Variants in TRIP12 observed in about 807,000 individuals in gnomAD.
The protein encoded by TRIP12 is thyroid hormone receptor interactor 12.
In TRIP12, 25 loss-of-function variants were observed where a neutral mutation model predicts 244.2. The ratio of observed to expected loss-of-function variants is 0.10; its 90% confidence interval spans 0.07 to 0.14. The LOEUF (loss-of-function observed/expected upper bound fraction) is 0.14, where lower values mean the gene tolerates loss of function less well. TRIP12 is among the 10% of genes least tolerant of loss of function. The probability of loss-of-function intolerance (pLI) is 1.00; values close to 1 mark genes in which losing one functional copy is unlikely to be tolerated. For missense variants in TRIP12, 1,677 were observed against 2,486.4 expected (o/e 0.67, Z 6.92); for synonymous variants, 905 against 873.1 (o/e 1.04, Z -0.64).
chr2:229,838,451 G>C (rs1184767006), intron 5 of TRIP12, among the ~76,000 whole-genome samples: 1 of 152,140 alleles, frequency 6.6e-6, no homozygotes, highest in Non-Finnish European at 1.5e-5. Context: ...TTGCCATGAA[G>C]AGCACTTCAA....
At chr2:229,815,639 G>A (rs1575426905) in intron 9 of TRIP12, among the ~76,000 whole-genome samples, 1 of 151,636 alleles carries the variant, frequency 6.6e-6, no homozygotes, top group Non-Finnish European at 1.5e-5. Context: ...TATCCCTGAG[G>A]ACTTACTAGT....
Position 229,785,855 on chromosome 2 carries a change from G to A in TRIP12, c.4996C>T (p.Arg1666Cys). ...AGCAGCTCCTCTCGGTTCACAGTACGCTACAAAGAAAGTACAACTGTCAGG... is the reference window on the plus strand; with the variant it reads ...AGCAGCTCCTCTCGGTTCACAGTACACTACAAAGAAAGTACAACTGTCAGG... ...RVAPRLDRKK[R>C]TVNREELLKQ... The change falls in exon 34 of 42, where the codon CGT becomes TGT. Residue 1666 changes from arginine (R) to cysteine (C), a missense_variant and splice_region_variant. Arg to Cys is a radical substitution (Grantham distance 180). Coordinates refer to ENST00000675903, the MANE Select transcript of TRIP12 (RefSeq NM_001348323.3). The A allele has an allele frequency of 6.2e-7, 1 of 1,610,356 alleles. No homozygotes were observed. The highest frequency in any genetic ancestry group is 8.5e-7 in the Non-Finnish European group (1 of 1,178,540).
chr2:229,911,575 G>A (rs2074282591), intron 1 of TRIP12, among the ~76,000 whole-genome samples: 1 of 152,094 alleles, frequency 6.6e-6, no homozygotes, highest in Non-Finnish European at 1.5e-5. Flanking sequence ...ATAGCTAGAG[G>A]GAAGATATTG....
upstream of TRIP12, among the ~76,000 whole-genome samples, chr2:229,922,790 C>A (rs762786478): frequency 1.3e-5 from 2 of 152,220 alleles, no homozygotes; most frequent in African/African-American, 4.8e-5. Flanking sequence ...CCCGCGTGTC[C>A]CTGCTCTCCC....
intron 2 of TRIP12, among the ~76,000 whole-genome samples, chr2:229,875,438 G>C (rs190203375): frequency 6.6e-6 from 1 of 152,254 alleles, no homozygotes. Flanking sequence ...TCCTAGGAGA[G>C]AAAAGTGCTA....
intron 18 of TRIP12, among the ~76,000 whole-genome samples, chr2:229,805,222 AAACAACAAC>A (rs1297499840): frequency 1.3e-5 from 2 of 149,366 alleles, no homozygotes; most frequent in Admixed American, 6.7e-5. Flanking sequence ...GCCCTTTTCA[AAACAACAAC>A]AACAACAACA....
intron 11 of TRIP12, 60 bp from the exon 12 acceptor site, chr2:229,814,385 T>C (rs981057170): frequency 1.3e-6 from 2 of 1,505,298 alleles, no homozygotes; most frequent in South Asian, 1.1e-5. Context: ...CAATAACTTA[T>C]CTTCTACATA....
At chr2:229,880,496 T>C (rs1184886850) in intron 1 of TRIP12, among the ~76,000 whole-genome samples, 2 of 152,346 alleles carry the variant, frequency 1.3e-5, no homozygotes, top group East Asian at 1.9e-4. Flanking sequence ...CAAAAGATGA[T>C]GGCTCAAGTC....
chr2:229,814,465 C>G (rs1027432507), intron 11 of TRIP12, 140 bp from the exon 12 acceptor site: 2 of 710,888 alleles, frequency 2.8e-6, no homozygotes, highest in Non-Finnish European at 4.5e-6. Flanking sequence ...AGTCACTTAG[C>G]AGCTTAAGCT....
In TRIP12 at chr2:229,764,763, G is replaced by A. The variant is rs548752118; in HGVS notation, c.*2791C>T. ...CCCTAGGGAAGTCACTCCACAATAC[G>A]GAGTGGTCACATTCATTTGAAGGCA... On this transcript the variant is annotated 3_prime_UTR_variant, in exon 42 of 42. Transcript: ENST00000675903. 5 of 152,138 alleles carry A rather than the reference G, an allele frequency of 3.3e-5. No homozygotes were observed. The highest frequency in any genetic ancestry group is 9.7e-5 in the African/African-American group (4 of 41,416). The allele number at this position is 152,138 out of a possible 1,614,324, so 9.4% of individuals were successfully genotyped here.
At chr2:229,857,949 T>C (rs2059885328) in intron 4 of TRIP12, among the ~76,000 whole-genome samples, 1 of 152,222 alleles carries the variant, frequency 6.6e-6, no homozygotes, top group Non-Finnish European at 1.5e-5. Flanking sequence ...TATTCATCTT[T>C]AGACAAAACT....
In TRIP12 at chr2:229,793,138, G is replaced by A. The variant is rs2041954134; in HGVS notation, c.3976C>T (p.Leu1326Phe). ...TTTAAAGCCTGTGATCCTCTGTTGA[G>A]AGAAAAGCTCAAGATAATTTGTGAA... ...SGNGTGGSFSLNRGSQALKFF... is the reference protein window; with the variant it reads ...SGNGTGGSFSFNRGSQALKFF... The change falls in exon 27 of 42, where the codon CTC becomes TTC. Residue 1326 changes from leucine (L) to phenylalanine (F), a missense_variant. By Grantham distance (22) the Leu-to-Phe change is conservative. Around this residue, in one of 11 missense-constraint regions of TRIP12, gnomAD observed 265 missense variants for 370.8 expected, o/e 0.71. Coordinates refer to ENST00000675903, the MANE Select transcript of TRIP12 (RefSeq NM_001348323.3). 6.2e-7 allele frequency: 1 copy of A among 1,609,940 alleles called. No individual in the cohort carries two copies. Among genetic ancestry groups the A allele is most frequent in the Admixed American group, 1.7e-5 (1 of 58,950 alleles).
intron 4 of TRIP12, among the ~76,000 whole-genome samples, chr2:229,846,870 G>A (rs928146654): frequency 1.3e-5 from 2 of 152,134 alleles, no homozygotes; most frequent in Admixed American, 1.3e-4. Flanking sequence ...ACAAATATTG[G>A]AAATGTCCAA....
chr2:229,839,498 A>C (rs554140350), intron 5 of TRIP12, among the ~76,000 whole-genome samples: 1 of 152,128 alleles, frequency 6.6e-6, no homozygotes, highest in East Asian at 1.9e-4. Context: ...TAACATGGTG[A>C]AAACCCATCT....
rs2045224357 is a variant in TRIP12 at position 229,804,182 on chromosome 2, A to G, written c.2696T>C (p.Met899Thr). ...SKKDDARAQL[M>T]KEDPELAKSF... is the part of the protein sequence containing the mutation. ...CTTAGCCAGTTCCGGATCCTCTTTC[A>G]TAAGCTGTGCTCGAGCATCATCCTT... Residue 899 changes from methionine to threonine, a missense_variant, in exon 19 of 42, where the codon ATG becomes ACG. This residue lies in a region of TRIP12 where 572 missense variants were observed against 867.8 expected (regional missense o/e 0.66). Coordinates refer to ENST00000675903, the MANE Select transcript of TRIP12 (RefSeq NM_001348323.3). The G allele has an allele frequency of 1.2e-6, 2 of 1,614,112 alleles. No individual in the cohort carries two copies. The highest frequency in any genetic ancestry group is 1.7e-5 in the Admixed American group (1 of 60,018).
At position 229,810,980 on chromosome 2, in the gene TRIP12, A is replaced by G. The variant is rs75822370; in HGVS notation, c.2121T>C (p.Thr707=). The G allele has an allele frequency of 1.1e-3, 1,817 of 1,614,136 alleles. 39 individuals carry two copies. The East Asian group carries it at 0.036, about 32-fold the overall frequency. The part of the protein sequence containing the change: ...LTNVQQLLVV[T]PPILSSGMFI... ...ACATCCCAGAACTTAAAATGGGTGG[A>G]GTCACTACCAACAGCTGTTGAACAT... Residue 707 remains threonine (T), a synonymous_variant, in exon 15 of 42, where the codon ACT becomes ACC. Coordinates refer to ENST00000675903, the MANE Select transcript of TRIP12 (RefSeq NM_001348323.3).
chr2:229,858,328 A>T (rs971517989), intron 4 of TRIP12, among the ~76,000 whole-genome samples: 2 of 152,154 alleles, frequency 1.3e-5, no homozygotes, highest in Non-Finnish European at 2.9e-5. Flanking sequence ...GCGCCACTGC[A>T]CTCCAGCCTA....
At chr2:229,922,240 T>G (rs900583323), upstream of TRIP12, 4 of 447,782 alleles carry the variant, frequency 8.9e-6, no homozygotes, top group East Asian at 4.2e-5. Flanking sequence ...AAGGGGACTG[T>G]GGAGATCTAC....
chr2:229,888,602 G>A (rs1410669580), intron 1 of TRIP12, among the ~76,000 whole-genome samples: 1 of 151,988 alleles, frequency 6.6e-6, no homozygotes, highest in Non-Finnish European at 1.5e-5. Flanking sequence ...AGAAAATGGC[G>A]AGAGCAGCCT....
Sources: allele counts gnomAD v4.1 joint callset (sites outside exome capture counted in the v4.1 genomes callset), GRCh38; gene constraint gnomAD v4.1.1; regional missense constraint gnomAD v4.1.1; transcripts MANE v1.5; gene names NCBI Gene and HGNC (gene_info 2026-07-23, HGNC 2026-07-21).